Variants in MACROD2 observed in about 807,000 individuals in gnomAD.
MACROD2 encodes ADP-ribose glycohydrolase MACROD2.
A neutral mutation model predicts 70.4 loss-of-function variants in MACROD2; 36 were observed. That is an observed-to-expected ratio of 0.51 (90% CI 0.39 to 0.68). The LOEUF (loss-of-function observed/expected upper bound fraction) is 0.68. Among genes scored for constraint, MACROD2 ranks in the 30% least tolerant of loss-of-function variants. The pLI is 0.00. For synonymous variants in MACROD2, 172 were observed against 178.8 expected (o/e 0.96, Z 0.30); for missense variants, 496 against 538.4 (o/e 0.92, Z 0.78).
chr20:15,402,992 G>A (rs760783829), intron 6 of MACROD2, among the ~76,000 whole-genome samples: 1 of 151,822 alleles, frequency 6.6e-6, no homozygotes, highest in Non-Finnish European at 1.5e-5. Flanking sequence ...TTGAGATGGA[G>A]TTTTACTCTT....
intron 6 of MACROD2, among the ~76,000 whole-genome samples, chr20:15,263,906 G>A (rs1396482866): frequency 6.6e-6 from 1 of 151,956 alleles, no homozygotes; most frequent in African/African-American, 2.4e-5. Context: ...TACTGAATTT[G>A]TTTATCAGTT....
At chr20:15,491,877 T>G (rs773398302) in intron 7 of MACROD2, among the ~76,000 whole-genome samples, 2 of 152,234 alleles carry the variant, frequency 1.3e-5, no homozygotes, top group East Asian at 3.8e-4. Context: ...CAGTGCATCG[T>G]CAGCATCTGC....
intron 5 of MACROD2, among the ~76,000 whole-genome samples, chr20:14,911,396 G>A (rs1250143509): frequency 6.6e-6 from 1 of 151,786 alleles, no homozygotes; most frequent in African/African-American, 2.4e-5. Context: ...CCCCCTTCTA[G>A]AGATAGGGTC....
chr20:15,941,728 C>T (rs6074970), intron 12 of MACROD2, among the ~76,000 whole-genome samples: 3 of 152,166 alleles, frequency 2.0e-5, no homozygotes, highest in Non-Finnish European at 2.9e-5. Context: ...ATCAAATGTC[C>T]TGAAGAAGCC....
chr20:14,943,369 AT>A, intron 5 of MACROD2, among the ~76,000 whole-genome samples: 1 of 150,744 alleles, frequency 6.6e-6, no homozygotes, highest in Non-Finnish European at 1.5e-5. Flanking sequence ...TTTTTTTTTC[AT>A]TTTTTACCTA....
chr20:14,815,166 C>A (rs563297354), intron 5 of MACROD2, among the ~76,000 whole-genome samples: 1 of 152,100 alleles, frequency 6.6e-6, no homozygotes, highest in East Asian at 1.9e-4. Context: ...CAATAACATA[C>A]TTTAAATAAT....
In MACROD2 at chr20:14,757,858, G is replaced by C. The variant is rs990430446; in HGVS notation, c.418+72899G>C. 20 of 1,512,182 alleles carry C rather than the reference G, an allele frequency of 1.3e-5. No individual in the cohort carries two copies. The Admixed American group carries it at 2.2e-4, about 16-fold the overall frequency. 93.7% of individuals were successfully genotyped at this position (1,512,182 alleles called of 1,614,324 possible). On this transcript the variant is annotated intron_variant, in intron 5 of 17. Coordinates refer to ENST00000684519, the MANE Select transcript of MACROD2 (RefSeq NM_001351661.2). ...CCACTCTATGCCGTAGCCGTCCAGGGACTGGCAGGCCTCGGCCTAAAGGTC... is the reference window on the plus strand; with the variant it reads ...CCACTCTATGCCGTAGCCGTCCAGGCACTGGCAGGCCTCGGCCTAAAGGTC...
At chr20:14,755,080 A>G (rs1192293931) in intron 5 of MACROD2, among the ~76,000 whole-genome samples, 1 of 152,120 alleles carries the variant, frequency 6.6e-6, no homozygotes, top group African/African-American at 2.4e-5. Flanking sequence ...TGGAAGTGAC[A>G]ACTCTAGTTC....
intron 3 of MACROD2, among the ~76,000 whole-genome samples, chr20:14,285,893 T>A (rs1315088815): frequency 6.6e-6 from 1 of 152,028 alleles, no homozygotes; most frequent in Non-Finnish European, 1.5e-5. Context: ...TGTACAAAGC[T>A]GACTGTATAC....
At chr20:15,693,905 C>T (rs908175976) in intron 8 of MACROD2, among the ~76,000 whole-genome samples, 2 of 147,160 alleles carry the variant, frequency 1.4e-5, no homozygotes, top group African/African-American at 5.0e-5. Flanking sequence ...TCCACTGCAT[C>T]ATTCTTATGC....
In MACROD2 at chr20:15,592,842, A is replaced by G. The variant is rs529320603; in HGVS notation, c.645+92995A>G. Among the ~76,000 whole-genome samples, 3 of 152,326 alleles carry G rather than the reference A, an allele frequency of 2.0e-5. No homozygotes were observed. In the East Asian group the frequency reaches 5.8e-4, roughly 29 times the overall value. The stretch of plus-strand genomic sequence containing the variant: ...ACATCTAAAGTGTATTTACAGGCCT[A>G]GGTTCATTTTTCAAAGCTTTCTCTT... On this transcript the variant is annotated intron_variant, in intron 8 of 17. Transcript: ENST00000684519.
intron 3 of MACROD2, among the ~76,000 whole-genome samples, chr20:14,177,638 C>T (rs1352569964): frequency 6.6e-6 from 1 of 152,074 alleles, no homozygotes; most frequent in African/African-American, 2.4e-5. Flanking sequence ...ATAACTAAAA[C>T]ACCGTTATAC....
At chr20:15,031,841 CTGGCT>C (rs1463322154) in intron 5 of MACROD2, among the ~76,000 whole-genome samples, 2 of 152,128 alleles carry the variant, frequency 1.3e-5, no homozygotes, top group African/African-American at 4.8e-5. Context: ...CAGGCTGTCC[CTGGCT>C]TGAAGGTGGG....
At position 15,605,496 on chromosome 20, in the gene MACROD2, G is replaced by A. The variant is rs994417508; in HGVS notation, c.645+105649G>A. 3.3e-5 allele frequency among the ~76,000 whole-genome samples: 5 copies of A among 149,716 alleles called. No individual in the cohort carries two copies. The South Asian group carries it at 6.3e-4, about 19-fold the overall frequency. On this transcript the variant is annotated intron_variant, in intron 8 of 17. Coordinates refer to ENST00000684519, the MANE Select transcript of MACROD2 (RefSeq NM_001351661.2). Reference sequence around the variant, plus strand: ...TGTGTGTGTGTGTGTGTGTATCAGTGTTGGTTCTCAACCCTGATTTTTCTT... The same window carrying A: ...TGTGTGTGTGTGTGTGTGTATCAGTATTGGTTCTCAACCCTGATTTTTCTT...
At chr20:14,272,242 G>C (rs1382281495) in intron 3 of MACROD2, among the ~76,000 whole-genome samples, 1 of 152,140 alleles carries the variant, frequency 6.6e-6, no homozygotes, top group East Asian at 1.9e-4. Context: ...GGCAGCCAGA[G>C]AGAAAGGTCG....
At chr20:15,967,381 A>G (rs771288108) in intron 12 of MACROD2, among the ~76,000 whole-genome samples, 172 bp from the exon 13 acceptor site, 4 of 151,940 alleles carry the variant, frequency 2.6e-5, no homozygotes, top group Non-Finnish European at 4.4e-5. Context: ...CTCACATAGT[A>G]TGGGGGGAAA....
chr20:15,639,438 CCCGGGAGTT>C (rs2049419911), intron 8 of MACROD2, among the ~76,000 whole-genome samples: 1 of 152,128 alleles, frequency 6.6e-6, no homozygotes, highest in Non-Finnish European at 1.5e-5. Context: ...CTTGAGACTG[CCCGGGAGTT>C]CCTACTCCCT....
intron 5 of MACROD2, among the ~76,000 whole-genome samples, chr20:15,167,596 C>T (rs947043537): frequency 1.3e-5 from 2 of 152,202 alleles, no homozygotes; most frequent in South Asian, 2.1e-4. Context: ...TCATTATCTA[C>T]TATAATTACA....
intron 5 of MACROD2, among the ~76,000 whole-genome samples, chr20:15,021,007 CAT>C (rs1600957870): frequency 1.4e-5 from 2 of 146,890 alleles, no homozygotes; most frequent in East Asian, 2.1e-4. Flanking sequence ...TATGCATACA[CAT>C]GTGTATATGT....
Sources: gnomAD v4.1 joint callset for allele counts (sites outside exome capture counted in the v4.1 genomes callset) on GRCh38, gnomAD v4.1.1 for gene constraint, MANE v1.5 for transcripts, NCBI Gene and HGNC (gene_info 2026-07-23, HGNC 2026-07-21) for gene names.